KRT8: variants seen among roughly 807,000 people sequenced by gnomAD.
The protein encoded by KRT8 is keratin, type II cytoskeletal 8.
A neutral mutation model predicts 43.0 loss-of-function variants in KRT8; 24 were observed. That is an observed-to-expected ratio of 0.56 (90% CI 0.40 to 0.78). KRT8 has a LOEUF of 0.78. KRT8 is among the 30% of genes least tolerant of loss of function. The probability of loss-of-function intolerance (pLI) is 0.00; values close to 1 mark genes in which losing one functional copy is unlikely to be tolerated. For synonymous variants in KRT8, 214 were observed against 261.2 expected, an observed-to-expected ratio of 0.82 and a Z score of 1.74; for missense variants, 492 against 638.4, an observed-to-expected ratio of 0.77 and a Z score of 2.47.
At chr12:52,946,010 C>T (rs1355566923) in intron 2 of KRT8, among the ~76,000 whole-genome samples, 1 of 152,184 alleles carries the variant, frequency 6.6e-6, no homozygotes, top group Non-Finnish European at 1.5e-5. Context: ...TGGAAAGGGG[C>T]AGGCTGGTGC....
At chr12:52,926,936 C>CTGAATGAA (rs60430117) in intron 2 of KRT8, among the ~76,000 whole-genome samples, 2,262 of 150,572 alleles carry the variant, frequency 0.015, 17 homozygotes, top group East Asian at 0.03. Context: ...GTTTGATTCA[C>CTGAATGAA]TGAATGAATG....
intron 2 of KRT8, among the ~76,000 whole-genome samples, chr12:52,921,854 C>A (rs1275155237): frequency 1.3e-5 from 2 of 152,030 alleles, no homozygotes; most frequent in African/African-American, 4.8e-5. Context: ...GTGGAGAACA[C>A]TGAGCCTCAG....
intron 2 of KRT8, among the ~76,000 whole-genome samples, chr12:52,940,506 C>G (rs1848869420): frequency 6.8e-6 from 1 of 147,720 alleles, no homozygotes; most frequent in Non-Finnish European, 1.5e-5. Context: ...TTTTATACAA[C>G]ATTATGGAAA....
At position 52,913,801 on chromosome 12, in the gene KRT8, A is replaced by AT. The variant is rs1287632005; in HGVS notation, c.-46-8775_-46-8774insA. ...CACACCACCTTCCTACGAACGTCAC[A>AT]CACATACCTGTGCACACACAGCCAT... is the stretch of plus-strand genomic sequence containing the variant. On this transcript the variant is annotated intron_variant, in intron 2 of 6. Transcript: ENST00000546826. Among the ~76,000 whole-genome samples the AT allele has an allele frequency of 3.9e-5, 6 of 152,336 alleles. No homozygotes were observed. The East Asian group carries it at 1.2e-3, about 29-fold the overall frequency.
chr12:52,926,332 G>GCCCA, intron 2 of KRT8: 2 of 600,268 alleles, frequency 3.3e-6, no homozygotes. Context: ...GGCACTAGCT[G>GCCCA]CCCTCCCCAC....
At chr12:52,922,445 G>T (rs904023565) in intron 2 of KRT8, among the ~76,000 whole-genome samples, 2 of 152,184 alleles carry the variant, frequency 1.3e-5, no homozygotes, top group Non-Finnish European at 2.9e-5. Flanking sequence ...GGCTGAGGTG[G>T]GTGGATTACT....
At chr12:52,897,668 C>T (rs767875792) in intron 7 of KRT8, 50 bp from the exon 8 acceptor site, 5 of 1,597,280 alleles carry the variant, frequency 3.1e-6, no homozygotes, top group African/African-American at 1.3e-5. Flanking sequence ...CACCCCATGG[C>T]AGGCTCCATG....
At chr12:52,926,872 A>G (rs1392401954) in intron 2 of KRT8, among the ~76,000 whole-genome samples, 1 of 152,098 alleles carries the variant, frequency 6.6e-6, no homozygotes, top group Non-Finnish European at 1.5e-5. Context: ...CCTCAAAAGT[A>G]GGGGCGTGTC....
At chr12:52,897,503 C>G (rs745840443) in exon 8 of KRT8, 1 of 1,599,110 alleles carries the variant, frequency 6.3e-7, no homozygotes, top group Non-Finnish European at 8.5e-7. Flanking sequence ...CAACCACGGC[C>G]CTGGAGGAGC....
exon 6 of KRT8, chr12:52,898,711 G>T: frequency 6.2e-7 from 1 of 1,614,210 alleles, no homozygotes; most frequent in Non-Finnish European, 8.5e-7. Flanking sequence ...GCTTCCTGTA[G>T]GTGGCGATCT....
chr12:52,935,400 A>AAAAAAAG (rs1942153201), intron 2 of KRT8, among the ~76,000 whole-genome samples: 1 of 134,568 alleles, frequency 7.4e-6, no homozygotes. Flanking sequence ...AAAAAAAAAA[A>AAAAAAAG]AAAAAAAAAA....
At chr12:52,926,336 T>TCCCCCCCCCCCCCC in intron 2 of KRT8, 2 of 385,520 alleles carry the variant, frequency 5.2e-6, no homozygotes, top group Non-Finnish European at 4.9e-6. Flanking sequence ...CTAGCTGCCC[T>TCCCCCCCCCCCCCC]CCCCACCCCA....
At chr12:52,935,475 G>A (rs1397063123) in intron 2 of KRT8, among the ~76,000 whole-genome samples, 2 of 134,750 alleles carry the variant, frequency 1.5e-5, no homozygotes, top group Admixed American at 8.3e-5. Context: ...GGTGTATCAC[G>A]AGGTCAGGAG....
At chr12:52,930,508 A>G (rs1042054886) in intron 2 of KRT8, among the ~76,000 whole-genome samples, 10 of 141,948 alleles carry the variant, frequency 7.0e-5, no homozygotes, top group Admixed American at 5.6e-4. Context: ...GGCATGAGCC[A>G]CCACGCCCGG....
chr12:52,926,723 G>A (rs1233930352), intron 2 of KRT8, among the ~76,000 whole-genome samples: 1 of 152,126 alleles, frequency 6.6e-6, no homozygotes, highest in South Asian at 2.1e-4. Context: ...GACCTTGGGA[G>A]TTCAGTCTTC....
upstream of KRT8, among the ~76,000 whole-genome samples, chr12:52,906,155 T>C (rs933263655): frequency 2.0e-5 from 3 of 151,988 alleles, no homozygotes; most frequent in African/African-American, 7.2e-5. Context: ...CCTTCCAAGA[T>C]CCTAGGATCC....
At chr12:52,932,976 C>T (rs61340224) in intron 2 of KRT8, among the ~76,000 whole-genome samples, 1,722 of 152,230 alleles carry the variant, frequency 0.011, 36 homozygotes, top group African/African-American at 0.039. Flanking sequence ...TGAAGTCTTG[C>T]CCTGTCACCC....
chr12:52,913,983 G>A (rs1161982129), intron 2 of KRT8, among the ~76,000 whole-genome samples: 1 of 152,108 alleles, frequency 6.6e-6, no homozygotes, highest in African/African-American at 2.4e-5. Context: ...AGCACTTTAG[G>A]AGGCCAAGGC....
chr12:52,937,892 C>G (rs972642124), intron 2 of KRT8, among the ~76,000 whole-genome samples: 18 of 148,124 alleles, frequency 1.2e-4, no homozygotes, highest in African/African-American at 4.5e-4. Context: ...CCCAGCTACT[C>G]GGGAGACTGA....
Sources: allele counts gnomAD v4.1 joint callset (sites outside exome capture counted in the v4.1 genomes callset), GRCh38; gene constraint gnomAD v4.1.1; transcripts MANE v1.5; gene names NCBI Gene and HGNC (gene_info 2026-07-23, HGNC 2026-07-21).